Variants in PCDH15 observed in about 807,000 individuals in gnomAD.
PCDH15 encodes the protein protocadherin related 15, also known as protocadherin-15.
PCDH15 carries 129 observed loss-of-function variants against 178.5 expected under a neutral mutation model. The observed-to-expected ratio is 0.72, with a 90% CI of 0.63 to 0.84. The LOEUF is 0.84. Ranked by LOEUF, PCDH15 falls within the 40% of genes least tolerant of loss-of-function variation. The pLI is 0.00. For synonymous variants in PCDH15, 800 were observed against 732.0 expected (o/e 1.09, Z -1.50); for missense variants, 2,230 against 2,099.9 (o/e 1.06, Z -1.21).
rs565036581 is a variant in PCDH15, at chr10:54,669,918, G to A, written c.-28-5628C>T. On this transcript the variant is annotated intron_variant, in intron 1 of 37. Transcript: ENST00000644397. ...AAATATAAAATATTAGCTGGGTGTGGTGGTGCACACCTGTAATCTCAGTTA... is the reference window on the plus strand; with the variant it reads ...AAATATAAAATATTAGCTGGGTGTGATGGTGCACACCTGTAATCTCAGTTA... 1.2e-4 allele frequency among the ~76,000 whole-genome samples: 18 copies of A among 151,910 alleles called. No homozygotes were observed. In the South Asian group the frequency reaches 2.7e-3, roughly 23 times the overall value.
At chr10:53,886,740 A>G (rs2081129276) in intron 26 of PCDH15, among the ~76,000 whole-genome samples, 1 of 150,860 alleles carries the variant, frequency 6.6e-6, no homozygotes, top group Non-Finnish European at 1.5e-5. Flanking sequence ...GTCTTGTTCT[A>G]TTCAAATGTT....
At chr10:55,360,466 G>T (rs371809361) in intron 2 of PCDH15, among the ~76,000 whole-genome samples, 5 of 151,724 alleles carry the variant, frequency 3.3e-5, no homozygotes, top group African/African-American at 9.7e-5. Flanking sequence ...CCACAGAATG[G>T]GAGGAAAAAA....
intron 1 of PCDH15, among the ~76,000 whole-genome samples, chr10:54,768,980 G>A (rs906904770): frequency 1.4e-4 from 21 of 152,202 alleles, no homozygotes; most frequent in East Asian, 3.9e-4. Context: ...GGAAATGCTC[G>A]TTCATTTTAA....
At chr10:53,900,796 C>G (rs939962184) in intron 26 of PCDH15, among the ~76,000 whole-genome samples, 1 of 152,140 alleles carries the variant, frequency 6.6e-6, no homozygotes, top group African/African-American at 2.4e-5. Context: ...CACTCTGTCC[C>G]AATTCCTCTG....
At chr10:55,047,118 T>G (rs1004112902) in intron 2 of PCDH15, among the ~76,000 whole-genome samples, 1 of 151,922 alleles carries the variant, frequency 6.6e-6, no homozygotes, top group Non-Finnish European at 1.5e-5. Context: ...AAATGTTATC[T>G]GATAAATATT....
chr10:54,317,154 C>A, intron 8 of PCDH15, 117 bp downstream of exon 8: 7 of 1,049,858 alleles, frequency 6.7e-6, no homozygotes, highest in Non-Finnish European at 1.0e-5. Context: ...AAATATTTTT[C>A]AATGTGCATA....
chr10:55,349,624 TA>T (rs1004855192), intron 2 of PCDH15, among the ~76,000 whole-genome samples: 20 of 150,208 alleles, frequency 1.3e-4, no homozygotes, highest in Admixed American at 7.3e-4. Context: ...AAATGGTAAC[TA>T]AAAAAAAGAT....
At chr10:55,537,464 C>A (rs1320739001) in intron 2 of PCDH15, among the ~76,000 whole-genome samples, 2 of 151,960 alleles carry the variant, frequency 1.3e-5, no homozygotes, top group Admixed American at 1.3e-4. Context: ...GAGACAGAGT[C>A]TCGCTTTGTT....
At chr10:54,306,178 T>C (rs1241723108) in intron 8 of PCDH15, among the ~76,000 whole-genome samples, 2 of 152,054 alleles carry the variant, frequency 1.3e-5, no homozygotes, top group African/African-American at 2.4e-5. Flanking sequence ...GCTTTAAACA[T>C]TTGGCTTTTC....
chr10:54,771,656 C>G (rs960684214), intron 1 of PCDH15, among the ~76,000 whole-genome samples: 1 of 151,120 alleles, frequency 6.6e-6, no homozygotes, highest in African/African-American at 2.4e-5. Flanking sequence ...ATTGCCAATC[C>G]AAAAAAAACA....
chr10:54,062,227 CAAAAAA>C (rs72361686), intron 18 of PCDH15, among the ~76,000 whole-genome samples: 8 of 53,848 alleles, frequency 1.5e-4, no homozygotes, highest in African/African-American at 7.6e-4. Context: ...GATTCTGTCT[CAAAAAA>C]AAAAAAAAAA....
intron 15 of PCDH15, among the ~76,000 whole-genome samples, chr10:54,096,413 T>C (rs993194450): frequency 7.9e-5 from 12 of 152,140 alleles, no homozygotes; most frequent in African/African-American, 2.4e-4. Context: ...AGTCATACTC[T>C]ACACTATTTA....
chr10:55,197,895 G>C (rs1464228286), intron 1 of PCDH15, among the ~76,000 whole-genome samples: 1 of 152,014 alleles, frequency 6.6e-6, no homozygotes, highest in Non-Finnish European at 1.5e-5. Flanking sequence ...AAAATGGATG[G>C]ATATAAAGAT....
chr10:55,425,055 C>T (rs1838718354), intron 2 of PCDH15, among the ~76,000 whole-genome samples: 1 of 151,388 alleles, frequency 6.6e-6, no homozygotes. Flanking sequence ...ACAAATGATG[C>T]TTTTTAAAAG....
chr10:53,888,318 G>GTATATATATGTACATATATA (rs1238264864), intron 26 of PCDH15, among the ~76,000 whole-genome samples: 1 of 91,824 alleles, frequency 1.1e-5, no homozygotes, highest in Non-Finnish European at 1.9e-5. Flanking sequence ...ATGTATATAT[G>GTATATATATGTACATATATA]TACGTATATA....
At chr10:55,515,028 C>G (rs1241453649) in intron 2 of PCDH15, among the ~76,000 whole-genome samples, 1 of 135,598 alleles carries the variant, frequency 7.4e-6, no homozygotes, top group Non-Finnish European at 1.5e-5. Flanking sequence ...CCCACTCTGT[C>G]ACCCGGGCTG....
intron 2 of PCDH15, among the ~76,000 whole-genome samples, chr10:55,164,264 G>T (rs1358293681): frequency 6.6e-6 from 1 of 151,382 alleles, no homozygotes; most frequent in East Asian, 1.9e-4. Flanking sequence ...CTCAGTCAGT[G>T]GTATAACTGG....
chr10:54,227,225 C>T (rs1006079559), intron 9 of PCDH15, among the ~76,000 whole-genome samples: 1 of 152,226 alleles, frequency 6.6e-6, no homozygotes, highest in African/African-American at 2.4e-5. Context: ...GCCCCTGAAG[C>T]AAACTTCTGC....
rs181767565 is a variant in PCDH15, at chr10:54,127,408, C to T, written c.1917+5467G>A. ...TGATTGTTCTTTTCAATCAGGCACA[C>T]ACTCACTGCTGATAACTGCATATTT... is the stretch of plus-strand genomic sequence containing the variant. On this transcript the variant is annotated intron_variant, in intron 15 of 37. Transcript: ENST00000644397. Among the ~76,000 whole-genome samples the T allele has an allele frequency of 1.9e-3, 282 of 152,292 alleles. 1 individual carries two copies. Among genetic ancestry groups the T allele is most frequent in the Non-Finnish European group, 3.3e-3 (225 of 68,014 alleles).
Sources: allele counts gnomAD v4.1 joint callset (sites outside exome capture counted in the v4.1 genomes callset), GRCh38; gene constraint gnomAD v4.1.1; transcripts MANE v1.5; gene names NCBI Gene and HGNC (gene_info 2026-07-23, HGNC 2026-07-21).